The following INSR variants were observed in gnomAD, a reference collection of about 807,000 sequenced individuals.
INSR encodes insulin receptor.
Under a neutral mutation model 142.6 loss-of-function variants are expected in INSR, and 67 were observed. That is an observed-to-expected ratio of 0.47 (90% CI 0.39 to 0.58). The LOEUF (loss-of-function observed/expected upper bound fraction) is 0.58, where lower values mean the gene tolerates loss of function less well. Among genes scored for constraint, INSR ranks in the 20% least tolerant of loss-of-function variants. INSR has a pLI of 0.00. For synonymous variants in INSR, 756 were observed against 743.1 expected (o/e 1.02, Z -0.28); for missense variants, 1,248 against 1,833.2 (o/e 0.68, Z 5.83).
rs762765697 is a variant in INSR at position 7,267,669 on chromosome 19, G to T, written c.328C>A (p.Arg110=). 2 of 1,614,056 alleles carry T rather than the reference G, an allele frequency of 1.2e-6. No individual in the cohort carries two copies. The highest frequency in any genetic ancestry group is 3.3e-5 in the Admixed American group (2 of 59,988). Residue 110 remains arginine, a synonymous_variant, in exon 2 of 22, where the codon CGG becomes AGG. Transcript: ENST00000302850. The surrounding 1 kb of genome is among the most constrained non-coding windows in gnomAD (Gnocchi z 6.3). Reference sequence around the variant, plus strand: ...TAGTTAAAGAACAGTCGTGATCCCCGGATGACCGTGAGGTTGGGGAACAGG... The same window carrying T: ...TAGTTAAAGAACAGTCGTGATCCCCTGATGACCGTGAGGTTGGGGAACAGG... ...KDLFPNLTVI[R]GSRLFFNYAL...
At chr19:7,262,622 A>G (rs1258582002) in intron 2 of INSR, among the ~76,000 whole-genome samples, 1 of 152,244 alleles carries the variant, frequency 6.6e-6, no homozygotes, top group Non-Finnish European at 1.5e-5. Context: ...ATGAATACAC[A>G]GGCAAAATGT....
chr19:7,268,132 A>G (rs575255155), intron 1 of INSR, among the ~76,000 whole-genome samples: 2 of 152,208 alleles, frequency 1.3e-5, no homozygotes, highest in African/African-American at 4.8e-5. Flanking sequence ...AGCCCTGTTA[A>G]AATCCTTAAA....
chr19:7,161,660 G>C (rs1014598954), intron 9 of INSR, among the ~76,000 whole-genome samples: 1 of 152,120 alleles, frequency 6.6e-6, no homozygotes, highest in Non-Finnish European at 1.5e-5. Flanking sequence ...CCCTGACTTT[G>C]TCAATAACCA....
chr19:7,191,359 G>A (rs867067316), intron 2 of INSR, among the ~76,000 whole-genome samples: 1 of 149,352 alleles, frequency 6.7e-6, no homozygotes, highest in Non-Finnish European at 1.5e-5. Flanking sequence ...AGGGAGGGAG[G>A]GAGGGAAGGA....
In INSR at chr19:7,168,176, G is replaced by A. The variant is rs1347526869; in HGVS notation, c.1484-82C>T. ...AAGCCTGGGACCCCCACACTTCCTG[G>A]AGGGACCGTGAGAAGGCAGAGGTGA... On this transcript the variant is annotated intron_variant, in intron 6 of 21. Transcript: ENST00000302850. The surrounding 1 kb of genome is among the most constrained non-coding windows in gnomAD (Gnocchi z 4.3). The A allele has an allele frequency of 1.8e-5, 25 of 1,410,944 alleles. No individual in the cohort carries two copies. The highest frequency in any genetic ancestry group is 2.4e-5 in the Non-Finnish European group (24 of 1,002,288). The allele number at this position is 1,410,944 out of a possible 1,614,324, so 87.4% of individuals were successfully genotyped here. A position where few individuals can be genotyped will look rare whatever the true frequency, so the allele number is the denominator to read the frequency against.
rs774314373 is a variant in INSR, at chr19:7,117,264, C to G, written c.3941G>C (p.Ser1314Thr). Residue 1314 changes from serine to threonine, a missense_variant, in exon 22 of 22, where the codon AGT becomes ACT. Coordinates refer to ENST00000302850, the MANE Select transcript of INSR (RefSeq NM_000208.4). The part of the protein sequence containing the change: ...FHSEENKAPE[S>T]EELEMEFEDM... Reference sequence around the variant, plus strand: ...CTCAAACTCCATCTCCAGCTCCTCACTCTCGGGAGCCTTGTTCTCCTCGCT... The same window carrying G: ...CTCAAACTCCATCTCCAGCTCCTCAGTCTCGGGAGCCTTGTTCTCCTCGCT... 3.7e-6 allele frequency: 6 copies of G among 1,614,104 alleles called. No homozygotes were observed. The Admixed American group carries it at 1.0e-4, about 27-fold the overall frequency.
At chr19:7,236,164 G>A (rs1214673406) in intron 2 of INSR, among the ~76,000 whole-genome samples, 7 of 116,334 alleles carry the variant, frequency 6.0e-5, no homozygotes, top group Admixed American at 1.6e-4. Flanking sequence ...GTTTCACCAC[G>A]TTGGCCAGGC....
chr19:7,180,387 G>A (rs952373935), intron 3 of INSR, among the ~76,000 whole-genome samples: 4 of 151,898 alleles, frequency 2.6e-5, no homozygotes, highest in Non-Finnish European at 5.9e-5. Flanking sequence ...TTTTAGCCAG[G>A]TGTGGTGGTG....
At chr19:7,173,390 C>A (rs909522398) in intron 4 of INSR, among the ~76,000 whole-genome samples, 5 of 151,384 alleles carry the variant, frequency 3.3e-5, no homozygotes, top group African/African-American at 1.2e-4. Flanking sequence ...GTGATCTCGG[C>A]TCACTGCAAC....
intron 19 of INSR, among the ~76,000 whole-genome samples, chr19:7,121,793 T>C (rs751298176): frequency 2.2e-4 from 34 of 152,182 alleles, no homozygotes; most frequent in Non-Finnish European, 3.7e-4. Context: ...AGTGAATGGG[T>C]AAGTGAGTTT....
chr19:7,250,644 G>T (rs1053827529), intron 2 of INSR, among the ~76,000 whole-genome samples: 6 of 151,286 alleles, frequency 4.0e-5, no homozygotes, highest in Non-Finnish European at 2.9e-5. Flanking sequence ...ATGAGAGTTC[G>T]GGCAACCGTG....
intron 13 of INSR, among the ~76,000 whole-genome samples, chr19:7,137,444 C>G (rs527552139): frequency 1.3e-5 from 2 of 152,014 alleles, no homozygotes; most frequent in African/African-American, 4.8e-5. Context: ...ACTACAACCA[C>G]CGGTGGACAA....
chr19:7,145,700 C>T (rs993723539), intron 11 of INSR, among the ~76,000 whole-genome samples: 2 of 152,246 alleles, frequency 1.3e-5, no homozygotes, highest in Non-Finnish European at 2.9e-5. Context: ...AAACAGGCAG[C>T]TAGCCCATGG....
intron 2 of INSR, among the ~76,000 whole-genome samples, chr19:7,207,944 A>AGGGAGGGAGGGAG (rs1212774941): frequency 4.3e-5 from 2 of 46,380 alleles, no homozygotes; most frequent in African/African-American, 1.1e-4. Flanking sequence ...AAGGAAGGGA[A>AGGGAGGGAGGGAG]GGAGGGAGGG....
rs1035940 is a variant in INSR at position 7,199,967 on chromosome 19, C to A, written c.653-15330G>T. 2.0e-3 allele frequency among the ~76,000 whole-genome samples: 309 copies of A among 151,972 alleles called. 8 individuals are homozygous for A. In the East Asian group the frequency reaches 0.04, roughly 20 times the overall value. On this transcript the variant is annotated intron_variant, in intron 2 of 21. Coordinates refer to ENST00000302850, the MANE Select transcript of INSR (RefSeq NM_000208.4). Reference sequence around the variant, plus strand: ...GAGGGGCGGGGATTAGGTGACTGTCCCTTTATCACAGCAGGAGAGGAACAG... The same window carrying A: ...GAGGGGCGGGGATTAGGTGACTGTCACTTTATCACAGCAGGAGAGGAACAG...
At chr19:7,131,891 G>A (rs908063210) in intron 14 of INSR, among the ~76,000 whole-genome samples, 1 of 151,404 alleles carries the variant, frequency 6.6e-6, no homozygotes, top group Non-Finnish European at 1.5e-5. Flanking sequence ...CCCAGCTACT[G>A]TGAGGCTGAG....
chr19:7,273,769 G>T (rs374022365), intron 1 of INSR, among the ~76,000 whole-genome samples: 4 of 151,582 alleles, frequency 2.6e-5, no homozygotes, highest in African/African-American at 9.7e-5. Flanking sequence ...CGCCCACCTC[G>T]GCCTCCCAAA....
chr19:7,130,030 C>T (rs766500742), intron 14 of INSR, among the ~76,000 whole-genome samples: 3 of 101,816 alleles, frequency 2.9e-5, no homozygotes, highest in Non-Finnish European at 6.9e-5. Flanking sequence ...TGAGCCACCT[C>T]ATCTAGCCAA....
intron 17 of INSR, chr19:7,123,223 C>A (rs1345654992): frequency 1.8e-5 from 9 of 513,026 alleles, no homozygotes; most frequent in Non-Finnish European, 2.5e-5. Context: ...GGCTAGAGTG[C>A]AGTGGCGTGA....
Sources: allele counts gnomAD v4.1 joint callset (sites outside exome capture counted in the v4.1 genomes callset), GRCh38; gene constraint gnomAD v4.1.1; non-coding constraint Gnocchi (gnomAD v3.1); transcripts MANE v1.5; gene names NCBI Gene and HGNC (gene_info 2026-07-23, HGNC 2026-07-21).